SLC39A13: variants seen among roughly 807,000 people sequenced by gnomAD.
SLC39A13 encodes solute carrier family 39 member 13, also known as zinc transporter ZIP13.
Under a neutral mutation model 38.7 loss-of-function variants are expected in SLC39A13, and 18 were observed. The observed-to-expected ratio is 0.47, with a 90% CI of 0.32 to 0.69. SLC39A13 has a LOEUF of 0.69. Among genes scored for constraint, SLC39A13 ranks in the 30% least tolerant of loss-of-function variants. SLC39A13 has a pLI of 0.03. For missense variants in SLC39A13, 395 were observed against 490.7 expected, an observed-to-expected ratio of 0.80 and a Z score of 1.84; for synonymous variants, 212 against 219.1, an observed-to-expected ratio of 0.97 and a Z score of 0.29.
In SLC39A13 at chr11:47,410,220, T is replaced by C. The variant is rs1203328549; in HGVS notation, c.126T>C (p.Thr42=). 4 of 1,613,906 alleles carry C rather than the reference T, an allele frequency of 2.5e-6. No individual in the cohort carries two copies. The highest frequency in any genetic ancestry group is 3.4e-6 in the Non-Finnish European group (4 of 1,180,030). The part of the protein sequence containing the change: ...GSQPALRSRG[T]ATACRLDNKE... ...AGCCGGCCCTCCGGAGCCGGGGGACTGCGACGGCCTGTCGCCTGGACAACA... is the reference window on the plus strand; with the variant it reads ...AGCCGGCCCTCCGGAGCCGGGGGACCGCGACGGCCTGTCGCCTGGACAACA... Residue 42 remains threonine, a synonymous_variant, in exon 2 of 10, where the codon ACT becomes ACC. Transcript: ENST00000362021.
rs2096024407 is a variant in SLC39A13 at position 47,415,713 on chromosome 11, C to T, written c.*350C>T. On this transcript the variant is annotated 3_prime_UTR_variant, in exon 10 of 10. Transcript: ENST00000362021. ...GCAGAGGCCTTGCCCTGCTGGGACC[C>T]CGGGAGTGAGAGCAGCCCAAGGATC... The T allele has an allele frequency of 5.5e-6, 2 of 361,912 alleles. No homozygotes were observed. Among genetic ancestry groups the T allele is most frequent in the Admixed American group, 9.0e-5 (2 of 22,316 alleles). 22.4% of individuals were successfully genotyped at this position (361,912 alleles called of 1,614,324 possible).
Position 47,411,922 on chromosome 11 carries a change from G to A in SLC39A13, c.302-4G>A, listed in dbSNP as rs1391199540. 1 of 1,612,234 alleles carries A rather than the reference G, an allele frequency of 6.2e-7. No individual in the cohort carries two copies. The highest frequency in any genetic ancestry group is 8.5e-7 in the Non-Finnish European group (1 of 1,179,374). On this transcript the variant is annotated splice_polypyrimidine_tract_variant and splice_region_variant and intron_variant, in intron 2 of 9. Transcript: ENST00000362021. The stretch of plus-strand genomic sequence containing the variant: ...CCCCCAGACCCCGCATCTCTCCCTT[G>A]TAGCTGGGGCCTGGCGCCTGAAGCA...
rs2096009929 is a variant in SLC39A13 at position 47,413,475 on chromosome 11, C to T, written c.613C>T (p.Pro205Ser). ...GHCLAQPAAEPGLGAVVRSIK... is the reference protein window; with the variant it reads ...GHCLAQPAAESGLGAVVRSIK... ...CTGTCTGGCCCAGCCGGCTGCAGAG[C>T]CCGGCCTCGGTGCCGTGGTCCGGAG... The change falls in exon 5 of 10, where the codon CCC becomes TCC. Residue 205 changes from proline to serine, a missense_variant. Coordinates refer to ENST00000362021, the MANE Select transcript of SLC39A13 (RefSeq NM_001128225.3). 6.2e-7 allele frequency: 1 copy of T among 1,614,070 alleles called. No individual in the cohort carries two copies. The highest frequency in any genetic ancestry group is 8.5e-7 in the Non-Finnish European group (1 of 1,179,986).
intron 2 of SLC39A13, 38 bp downstream of exon 2, chr11:47,410,433 G>A (rs761846717): frequency 4.3e-6 from 7 of 1,610,910 alleles, no homozygotes; most frequent in African/African-American, 2.7e-5. Flanking sequence ...GCTGGCCAGG[G>A]TGTGGGAAGC....
chr11:47,409,922 G>T, intron 1 of SLC39A13, 165 bp from the exon 2 acceptor site: 1 of 726,786 alleles, frequency 1.4e-6, no homozygotes, highest in Non-Finnish European at 2.3e-6. Context: ...GAGACACAGG[G>T]CCCCATTGCT....
At chr11:47,414,025 A>G in intron 6 of SLC39A13, 1 of 636,858 alleles carries the variant, frequency 1.6e-6, no homozygotes, top group South Asian at 1.8e-5. Flanking sequence ...GATCTTTCCC[A>G]CCTCACACTG....
At chr11:47,413,708 G>A (rs1489279356) in intron 6 of SLC39A13, 22 bp downstream of exon 6, 1 of 1,610,886 alleles carries the variant, frequency 6.2e-7, no homozygotes, top group Non-Finnish European at 8.5e-7. Flanking sequence ...GGGGCCAGTG[G>A]GGCTCTGGCG....
chr11:47,414,999 C>G (rs1406938473), intron 8 of SLC39A13, 40 bp from the exon 9 acceptor site: 2 of 1,611,432 alleles, frequency 1.2e-6, no homozygotes, highest in Non-Finnish European at 1.7e-6. Flanking sequence ...GTCCCCAGGC[C>G]CGGGAGGTGG....
At position 47,413,360 on chromosome 11, in the gene SLC39A13, G is replaced by A. The variant is rs544993957; in HGVS notation, c.538-40G>A. 9.8e-5 allele frequency: 156 copies of A among 1,591,314 alleles called. 3 individuals carry two copies. The South Asian group carries it at 1.6e-3, about 17-fold the overall frequency. The stretch of plus-strand genomic sequence containing the variant: ...TTCTGTCTGCCCTGGCTGAGTGGGG[G>A]GCATCTAATGTCACCTCTCCCTCCT... On this transcript the variant is annotated intron_variant, in intron 4 of 9. Coordinates refer to ENST00000362021, the MANE Select transcript of SLC39A13 (RefSeq NM_001128225.3).
chr11:47,414,519 G>A (rs1164665327), intron 7 of SLC39A13, 44 bp downstream of exon 7: 6 of 1,602,040 alleles, frequency 3.7e-6, no homozygotes, highest in East Asian at 2.2e-5. Flanking sequence ...GGCCCCCACA[G>A]TGCCCATGAT....
At chr11:47,413,864 T>G in intron 6 of SLC39A13, 178 bp downstream of exon 6, 1 of 776,732 alleles carries the variant, frequency 1.3e-6, no homozygotes, top group Non-Finnish European at 2.2e-6. Context: ...CCTGAGCCCC[T>G]GGTCTGTTCC....
In SLC39A13 at chr11:47,414,807, G is replaced by A. The variant is rs199989846; in HGVS notation, c.817G>A (p.Gly273Ser). The A allele has an allele frequency of 1.9e-6, 3 of 1,611,184 alleles. No individual in the cohort carries two copies. Among genetic ancestry groups the A allele is most frequent in the East Asian group, 2.2e-5 (1 of 44,890 alleles). Reference sequence around the variant, plus strand: ...CGACTTTGCCATCCTGCTCCGGGCCGGCTTTGACCGATGGAGCGCAGCCAA... The same window carrying A: ...CGACTTTGCCATCCTGCTCCGGGCCAGCTTTGACCGATGGAGCGCAGCCAA... ...VGDFAILLRA[G>S]FDRWSAAKLQ... Residue 273 changes from glycine (G) to serine (S), a missense_variant, in exon 8 of 10, where the codon GGC becomes AGC. By Grantham distance (56) the Gly-to-Ser change is moderately conservative. Transcript: ENST00000362021.
At chr11:47,411,243 C>G (rs2095997643) in intron 2 of SLC39A13, among the ~76,000 whole-genome samples, 1 of 152,220 alleles carries the variant, frequency 6.6e-6, no homozygotes, top group Admixed American at 6.5e-5. Flanking sequence ...TGCCACTTTT[C>G]TGAGAGTGAC....
At chr11:47,413,804 C>CTCA (rs750476612) in intron 6 of SLC39A13, 118 bp downstream of exon 6, 31 of 1,101,196 alleles carry the variant, frequency 2.8e-5, no homozygotes, top group Non-Finnish European at 4.0e-5. Context: ...ATCTAAGGCT[C>CTCA]TCATCCCCCA....
At chr11:47,413,828 T>C in intron 6 of SLC39A13, 142 bp downstream of exon 6, 1 of 916,584 alleles carries the variant, frequency 1.1e-6, no homozygotes, top group Non-Finnish European at 1.7e-6. Context: ...TCCCTGCTGC[T>C]GTCCTGGCCG....
upstream of SLC39A13, among the ~76,000 whole-genome samples, chr11:47,407,919 C>CT (rs1266760311): frequency 6.6e-6 from 1 of 152,276 alleles, no homozygotes; most frequent in Non-Finnish European, 1.5e-5. Flanking sequence ...GAGCCCTCGC[C>CT]TCCCAGGTTT....
rs774796943 is a variant in SLC39A13, at chr11:47,410,411, G to A, written c.301+16G>A. The A allele has an allele frequency of 1.2e-6, 2 of 1,613,348 alleles. No homozygotes were observed. Among genetic ancestry groups the A allele is most frequent in the African/African-American group, 1.3e-5 (1 of 74,892 alleles). On this transcript the variant is annotated intron_variant, in intron 2 of 9. Transcript: ENST00000362021. ...CGCTCAGAAGGTAGGTGACTCTCCG[G>A]TGGCGCCCAGGGCTGGCCAGGGTGT...
Position 47,413,435 on chromosome 11 carries a change from G to GCA in SLC39A13, c.574_575insAC (p.Leu192HisfsTer52), listed in dbSNP as rs2096009682. The GCA allele has an allele frequency of 1.2e-6, 2 of 1,613,814 alleles. No individual in the cohort carries two copies. Among genetic ancestry groups the GCA allele is most frequent in the Non-Finnish European group, 1.7e-6 (2 of 1,179,922 alleles). ...AAGACCCCACTGCTGCTGCCGCCGC[G>GCA]CTCAATGGAGGCCACTGTCTGGCCC... On this transcript the variant is annotated frameshift_variant, in exon 5 of 10. Coordinates refer to ENST00000362021, the MANE Select transcript of SLC39A13 (RefSeq NM_001128225.3). LOFTEE classifies it high-confidence loss of function.
chr11:47,410,453 C>G, intron 2 of SLC39A13, 58 bp downstream of exon 2: 1 of 1,597,726 alleles, frequency 6.3e-7, no homozygotes, highest in Non-Finnish European at 8.6e-7. Flanking sequence ...CATGCTGCTG[C>G]TCTTCTTAGG....
Sources: gnomAD v4.1 joint callset for allele counts (sites outside exome capture counted in the v4.1 genomes callset) on GRCh38, gnomAD v4.1.1 for gene constraint, MANE v1.5 for transcripts, NCBI Gene and HGNC (gene_info 2026-07-23, HGNC 2026-07-21) for gene names.